Variants in FGF10 observed in about 807,000 individuals in gnomAD.
FGF10 encodes FGF-10.
Under a neutral mutation model 19.8 loss-of-function variants are expected in FGF10, and 2 were observed. The ratio of observed to expected loss-of-function variants is 0.10; its 90% CI spans 0.04 to 0.32. FGF10 has a LOEUF of 0.32. Among genes scored for constraint, FGF10 ranks in the 10% least tolerant of loss-of-function variants. FGF10 has a pLI of 1.00. For missense variants in FGF10, 191 were observed against 246.3 expected, an observed-to-expected ratio of 0.78 and a Z score of 1.50; for synonymous variants, 112 against 94.0, an observed-to-expected ratio of 1.19 and a Z score of -1.10.
At chr5:44,362,292 G>C (rs187890056) in intron 1 of FGF10, among the ~76,000 whole-genome samples, 1 of 151,596 alleles carries the variant, frequency 6.6e-6, no homozygotes, top group Non-Finnish European at 1.5e-5. Context: ...TTTATCCTTT[G>C]CTAAAGAGAT....
chr5:44,368,169 G>A (rs1741661443), intron 1 of FGF10, among the ~76,000 whole-genome samples: 2 of 152,040 alleles, frequency 1.3e-5, no homozygotes, highest in Admixed American at 1.3e-4. Flanking sequence ...ATAAGGACAT[G>A]AGAGGGTAGG....
At chr5:44,340,675 A>G (rs888063175) in intron 1 of FGF10, among the ~76,000 whole-genome samples, 11 of 152,010 alleles carry the variant, frequency 7.2e-5, no homozygotes, top group African/African-American at 2.7e-4. Context: ...ATTCTGAAAG[A>G]AAATGCTTTT....
At chr5:44,387,203 T>C (rs1742120061) in intron 1 of FGF10, among the ~76,000 whole-genome samples, 1 of 152,198 alleles carries the variant, frequency 6.6e-6, no homozygotes, top group African/African-American at 2.4e-5. Flanking sequence ...CTTGAAAGTA[T>C]CTGAGAAAGG....
intron 1 of FGF10, among the ~76,000 whole-genome samples, chr5:44,333,523 C>G (rs1740784140): frequency 6.6e-6 from 1 of 152,150 alleles, no homozygotes; most frequent in Non-Finnish European, 1.5e-5. Context: ...TCACTATGTC[C>G]TTGACCCTAT....
chr5:44,368,681 G>GT (rs1376537259), intron 1 of FGF10, among the ~76,000 whole-genome samples: 4 of 151,810 alleles, frequency 2.6e-5, no homozygotes, highest in Admixed American at 6.6e-5. Context: ...TTGTTGTTTT[G>GT]TTTTTTTGAG....
At position 44,388,975 on chromosome 5, in the gene FGF10, TC is replaced by T. The variant is rs17227522; in HGVS notation, c.-294del. On this transcript the variant is annotated 5_prime_UTR_variant, in exon 1 of 3. Transcript: ENST00000264664. Reference sequence around the variant, plus strand: ...CTGGTGGTGGCGTTGGTGGTGTTGGTCACCAGCGCTCTTCGCTCCCCCAGGA... The same window carrying T: ...CTGGTGGTGGCGTTGGTGGTGTTGGTACCAGCGCTCTTCGCTCCCCCAGGA... 5,600 of 538,012 alleles carry T rather than the reference TC, an allele frequency of 0.01. 241 individuals carry two copies. The highest frequency in any genetic ancestry group is 0.093 in the African/African-American group (4,902 of 52,714). 33.3% of individuals were successfully genotyped at this position (538,012 alleles called of 1,614,324 possible). A position where few individuals can be genotyped will look rare whatever the true frequency, so the allele number is the denominator to read the frequency against.
chr5:44,357,997 A>G (rs947966165), intron 1 of FGF10, among the ~76,000 whole-genome samples: 2 of 151,508 alleles, frequency 1.3e-5, no homozygotes. Context: ...TGTACCCAAG[A>G]GGCTGAGTGA....
At chr5:44,345,243 T>C (rs1038617783) in intron 1 of FGF10, among the ~76,000 whole-genome samples, 18 of 151,686 alleles carry the variant, frequency 1.2e-4, no homozygotes, top group African/African-American at 4.3e-4. Context: ...AAATAATGAA[T>C]ATAGAATGAG....
intron 1 of FGF10, among the ~76,000 whole-genome samples, chr5:44,342,606 G>A (rs1740995447): frequency 6.6e-6 from 1 of 151,814 alleles, no homozygotes; most frequent in African/African-American, 2.4e-5. Flanking sequence ...CCACAGGCAG[G>A]AGGAAGACAG....
intron 1 of FGF10, among the ~76,000 whole-genome samples, chr5:44,347,134 A>G (rs1199862844): frequency 6.6e-6 from 1 of 151,748 alleles, no homozygotes; most frequent in Non-Finnish European, 1.5e-5. Context: ...GTAGAAAAAA[A>G]TAGATAATTG....
intron 1 of FGF10, among the ~76,000 whole-genome samples, chr5:44,344,952 G>A (rs905290715): frequency 1.3e-5 from 2 of 151,626 alleles, no homozygotes; most frequent in Admixed American, 6.6e-5. Context: ...TGTTGATAGG[G>A]ACCACCCATC....
intron 1 of FGF10, among the ~76,000 whole-genome samples, chr5:44,311,207 C>T (rs1214359676): frequency 1.3e-5 from 2 of 150,870 alleles, no homozygotes; most frequent in East Asian, 2.0e-4. Context: ...AATGGAAAAT[C>T]GAGGGAAGTA....
chr5:44,373,988 G>A (rs1422005750), intron 1 of FGF10, among the ~76,000 whole-genome samples: 1 of 152,138 alleles, frequency 6.6e-6, no homozygotes, highest in Admixed American at 6.5e-5. Context: ...CACAAAGTTG[G>A]TGTCTTAGAC....
intron 1 of FGF10, among the ~76,000 whole-genome samples, chr5:44,346,861 TA>T (rs1741101723): frequency 6.6e-6 from 1 of 151,884 alleles, no homozygotes; most frequent in African/African-American, 2.4e-5. Flanking sequence ...CTGTGTCAAC[TA>T]ATTTAAATTA....
intron 1 of FGF10, among the ~76,000 whole-genome samples, chr5:44,345,990 T>G (rs945772550): frequency 6.6e-6 from 1 of 151,832 alleles, no homozygotes; most frequent in African/African-American, 2.4e-5. Context: ...AACATACATC[T>G]CCAGCCTTGA....
chr5:44,381,716 T>C (rs1741986609), intron 1 of FGF10, among the ~76,000 whole-genome samples: 1 of 152,218 alleles, frequency 6.6e-6, no homozygotes, highest in African/African-American at 2.4e-5. Context: ...GTAAAGCATG[T>C]TAACACAAGG....
At chr5:44,341,849 T>C (rs1460564041) in intron 1 of FGF10, among the ~76,000 whole-genome samples, 1 of 152,000 alleles carries the variant, frequency 6.6e-6, no homozygotes, top group Non-Finnish European at 1.5e-5. Context: ...TGAACAACCC[T>C]ACTTCATAGA....
chr5:44,306,927 C>T (rs1196854350), intron 2 of FGF10, among the ~76,000 whole-genome samples: 2 of 152,052 alleles, frequency 1.3e-5, no homozygotes, highest in African/African-American at 4.8e-5. Context: ...CTTTTATTCT[C>T]TTTATCTCAG....
chr5:44,374,638 T>C (rs2111894976), intron 1 of FGF10, among the ~76,000 whole-genome samples: 1 of 152,268 alleles, frequency 6.6e-6, no homozygotes, highest in Middle Eastern at 3.4e-3. Flanking sequence ...ACCACTCCCT[T>C]TACTCCCACT....
Sources: gnomAD v4.1 joint callset for allele counts (sites outside exome capture counted in the v4.1 genomes callset) on GRCh38, gnomAD v4.1.1 for gene constraint, MANE v1.5 for transcripts, NCBI Gene and HGNC (gene_info 2026-07-23, HGNC 2026-07-21) for gene names.